The following RNLS variants were observed in gnomAD, a reference collection of about 807,000 sequenced individuals.
The protein encoded by RNLS is renalase, FAD dependent amine oxidase.
Under a neutral mutation model 39.8 loss-of-function variants are expected in RNLS, and 39 were observed. The ratio of observed to expected loss-of-function variants is 0.98; its 90% CI spans 0.76 to 1.28. RNLS has a LOEUF of 1.28. Among genes scored for constraint, RNLS ranks in the 50% most tolerant of loss-of-function variants. The probability of loss-of-function intolerance (pLI) is 0.00; values close to 1 mark genes in which losing one functional copy is unlikely to be tolerated. For synonymous variants in RNLS, 147 were observed against 150.7 expected, an observed-to-expected ratio of 0.98 and a Z score of 0.18; for missense variants, 410 against 413.3, an observed-to-expected ratio of 0.99 and a Z score of 0.07.
intron 4 of RNLS, among the ~76,000 whole-genome samples, chr10:88,489,619 T>C (rs569258100): frequency 3.0e-4 from 46 of 152,280 alleles, no homozygotes; most frequent in Middle Eastern, 3.4e-3. Context: ...CCTCATCAAT[T>C]TGAGTCCCCC....
intron 6 of RNLS, among the ~76,000 whole-genome samples, chr10:88,312,457 A>G (rs575275379): frequency 9.9e-5 from 15 of 152,216 alleles, no homozygotes; most frequent in Admixed American, 4.6e-4. Context: ...GGACTGTAAG[A>G]TAATAAATTT....
At chr10:88,409,912 T>C (rs1466462729) in intron 4 of RNLS, among the ~76,000 whole-genome samples, 1 of 152,128 alleles carries the variant, frequency 6.6e-6, no homozygotes, top group Non-Finnish European at 1.5e-5. Flanking sequence ...CAGGAAACTT[T>C]TTCTGTAAAG....
chr10:88,438,355 C>T (rs1484659571), intron 4 of RNLS, among the ~76,000 whole-genome samples: 1 of 152,162 alleles, frequency 6.6e-6, no homozygotes, highest in Non-Finnish European at 1.5e-5. Context: ...AGACTGCCCC[C>T]ACTCCAGACT....
intron 5 of RNLS, among the ~76,000 whole-genome samples, chr10:88,350,546 AC>A (rs1490489298): frequency 6.6e-6 from 1 of 152,026 alleles, no homozygotes; most frequent in Non-Finnish European, 1.5e-5. Context: ...CCATGTCCCT[AC>A]AAAGGACATG....
At chr10:88,570,346 A>T (rs1849752452) in intron 4 of RNLS, among the ~76,000 whole-genome samples, 1 of 152,222 alleles carries the variant, frequency 6.6e-6, no homozygotes, top group African/African-American at 2.4e-5. Context: ...CTATTATGGG[A>T]TTCTATTAAT....
the RNLS span, among the ~76,000 whole-genome samples, chr10:88,234,987 C>T: frequency 4.6e-5 from 7 of 151,734 alleles, no homozygotes; most frequent in East Asian, 3.9e-4. Context: ...ATGGGCCGGG[C>T]GCGGTGGCTC....
chr10:88,454,375 A>C (rs1227539108), intron 4 of RNLS, among the ~76,000 whole-genome samples: 1 of 152,164 alleles, frequency 6.6e-6, no homozygotes, highest in Non-Finnish European at 1.5e-5. Flanking sequence ...CTTTTCCCTT[A>C]GGTAGTTGCT....
intron 4 of RNLS, among the ~76,000 whole-genome samples, chr10:88,485,307 CTA>C (rs920790650): frequency 4.0e-5 from 6 of 151,416 alleles, no homozygotes; most frequent in African/African-American, 1.5e-4. Flanking sequence ...GGAAATAGAC[CTA>C]TATATATATG....
chr10:88,219,126 T>C, the RNLS span, among the ~76,000 whole-genome samples: 1 of 152,236 alleles, frequency 6.6e-6, no homozygotes, highest in Non-Finnish European at 1.5e-5. Flanking sequence ...CTCTTTTGTA[T>C]CTCCAAGAGG....
intron 4 of RNLS, among the ~76,000 whole-genome samples, chr10:88,449,255 T>C (rs920161552): frequency 6.6e-6 from 1 of 152,250 alleles, no homozygotes; most frequent in Non-Finnish European, 1.5e-5. Context: ...ATCTCTCCAC[T>C]GCCTTCCTCT....
chr10:88,225,204 T>C, the RNLS span, among the ~76,000 whole-genome samples: 1 of 152,224 alleles, frequency 6.6e-6, no homozygotes, highest in Non-Finnish European at 1.5e-5. Context: ...TTCACGAGTG[T>C]ACACATACAG....
At chr10:88,248,160 T>A in the RNLS span, among the ~76,000 whole-genome samples, 2 of 152,254 alleles carry the variant, frequency 1.3e-5, no homozygotes, top group Non-Finnish European at 2.9e-5. Context: ...AATTTTTCCC[T>A]TATTAAGTGA....
At chr10:88,491,243 CA>C (rs1301744080) in intron 4 of RNLS, among the ~76,000 whole-genome samples, 1 of 152,118 alleles carries the variant, frequency 6.6e-6, no homozygotes, top group Non-Finnish European at 1.5e-5. Flanking sequence ...TGACTGATTG[CA>C]AAACATACTG....
chr10:88,172,839 G>GTTTTTTTTTTTTTTTTTTTTT, the RNLS span, among the ~76,000 whole-genome samples: 1 of 31,504 alleles, frequency 3.2e-5, no homozygotes, highest in East Asian at 1.7e-3. Context: ...TGCATTTTGA[G>GTTTTTTTTTTTTTTTTTTTTT]TTGTTTTTTT....
In RNLS at chr10:88,547,446, C is replaced by A. The variant is rs187298123; in HGVS notation, c.526+25457G>T. 2.0e-3 allele frequency among the ~76,000 whole-genome samples: 312 copies of A among 152,232 alleles called. 3 individuals are homozygous for A. The highest frequency in any genetic ancestry group is 7.0e-3 in the African/African-American group (291 of 41,528). On this transcript the variant is annotated intron_variant, in intron 4 of 6. Coordinates refer to ENST00000331772, the MANE Select transcript of RNLS (RefSeq NM_001031709.3). ...CTAATATACATATCTTTGCAACATG[C>A]TAAGAGAAATACAGATAAAATAGAC... is the stretch of plus-strand genomic sequence containing the variant.
intron 4 of RNLS, among the ~76,000 whole-genome samples, chr10:88,437,380 A>T (rs1841471030): frequency 6.6e-6 from 1 of 152,230 alleles, no homozygotes; most frequent in South Asian, 2.1e-4. Flanking sequence ...TATTGCTCAA[A>T]ACCAGACAAA....
intron 4 of RNLS, among the ~76,000 whole-genome samples, chr10:88,475,805 T>G (rs566708778): frequency 6.6e-6 from 1 of 152,204 alleles, no homozygotes; most frequent in East Asian, 1.9e-4. Flanking sequence ...ATTAGAAAAA[T>G]AGTAACATTG....
chr10:88,548,214 A>G (rs1409849841), intron 4 of RNLS, among the ~76,000 whole-genome samples: 1 of 130,876 alleles, frequency 7.6e-6, no homozygotes. Context: ...GTGAGCCGAG[A>G]TCACGCCATT....
chr10:88,172,839 G>GTTTTTTTT, the RNLS span, among the ~76,000 whole-genome samples: 30 of 31,492 alleles, frequency 9.5e-4, no homozygotes, highest in African/African-American at 1.6e-3. Context: ...TGCATTTTGA[G>GTTTTTTTT]TTGTTTTTTT....
Sources: allele counts gnomAD v4.1 joint callset (sites outside exome capture counted in the v4.1 genomes callset), GRCh38; gene constraint gnomAD v4.1.1; transcripts MANE v1.5; gene names NCBI Gene and HGNC (gene_info 2026-07-23, HGNC 2026-07-21).